TSNARE1: variants seen among roughly 807,000 people sequenced by gnomAD.
TSNARE1 encodes the protein t-SNARE domain-containing protein 1.
TSNARE1 carries 49 observed loss-of-function variants against 62.0 expected under a neutral mutation model. The observed-to-expected ratio is 0.79, with a 90% confidence interval of 0.63 to 1.00. TSNARE1 has a LOEUF of 1.00. Among genes scored for constraint, TSNARE1 ranks in the 50% least tolerant of loss-of-function variants. The pLI is 0.00. For synonymous variants in TSNARE1, 328 were observed against 294.4 expected (o/e 1.11, Z -1.17); for missense variants, 755 against 700.1 (o/e 1.08, Z -0.88).
At chr8:142,360,362 G>A (rs976291960) in intron 1 of TSNARE1, among the ~76,000 whole-genome samples, 1 of 152,194 alleles carries the variant, frequency 6.6e-6, no homozygotes, top group African/African-American at 2.4e-5. Flanking sequence ...ATGTGGCTGA[G>A]GGCCTGGGCC....
intron 12 of TSNARE1, chr8:142,271,272 G>C (rs1311637223): frequency 1.9e-6 from 2 of 1,050,362 alleles, no homozygotes; most frequent in Non-Finnish European, 2.3e-6. Context: ...TCGAGGGTCC[G>C]GTTGAGGGCC....
chr8:142,371,695 C>A (rs1587055526), intron 1 of TSNARE1, among the ~76,000 whole-genome samples: 1 of 152,110 alleles, frequency 6.6e-6, no homozygotes, highest in Admixed American at 6.5e-5. Flanking sequence ...GGTGGATACA[C>A]CTGCAACAAT....
intron 12 of TSNARE1, chr8:142,269,495 TA>T (rs1356500366): frequency 1.0e-6 from 1 of 985,318 alleles, no homozygotes; most frequent in African/African-American, 1.7e-5. Flanking sequence ...CTTTATTTAT[TA>T]AGCTTTATTT....
intron 4 of TSNARE1, among the ~76,000 whole-genome samples, chr8:142,333,650 G>A (rs1831360884): frequency 6.6e-6 from 1 of 152,170 alleles, no homozygotes; most frequent in African/African-American, 2.4e-5. Context: ...GGCCAGGGCA[G>A]AGCTGACCCT....
chr8:142,304,873 G>A (rs1022434880), intron 9 of TSNARE1, among the ~76,000 whole-genome samples: 3 of 152,232 alleles, frequency 2.0e-5, no homozygotes, highest in Admixed American at 6.5e-5. Context: ...GCGGCATGAC[G>A]GTTGAGCACA....
chr8:142,311,220 A>G (rs1432124899), intron 9 of TSNARE1, among the ~76,000 whole-genome samples: 3 of 149,570 alleles, frequency 2.0e-5, no homozygotes, highest in African/African-American at 7.4e-5. Flanking sequence ...ACTGGAGTGC[A>G]ATGGCAATCT....
chr8:142,326,676 G>A (rs958429227), intron 6 of TSNARE1, among the ~76,000 whole-genome samples: 2 of 152,136 alleles, frequency 1.3e-5, no homozygotes, highest in African/African-American at 2.4e-5. Flanking sequence ...GGGCCCCAGA[G>A]AGCACGAGAC....
chr8:142,322,377 T>C (rs1403430993), intron 6 of TSNARE1, among the ~76,000 whole-genome samples: 1 of 152,232 alleles, frequency 6.6e-6, no homozygotes, highest in South Asian at 2.1e-4. Flanking sequence ...GGCAGGTATG[T>C]GTGCTTTCAC....
intron 13 of TSNARE1, among the ~76,000 whole-genome samples, chr8:142,221,084 C>T (rs932584105): frequency 4.6e-5 from 7 of 152,230 alleles, no homozygotes; most frequent in Admixed American, 6.5e-5. Context: ...GATCCTGCCT[C>T]ACTCCACCGT....
chr8:142,395,832 A>G (rs909373689), intron 1 of TSNARE1, among the ~76,000 whole-genome samples: 5 of 152,220 alleles, frequency 3.3e-5, no homozygotes, highest in Non-Finnish European at 7.3e-5. Flanking sequence ...CAGCCAGCCC[A>G]GGAAGGAGGC....
chr8:142,270,591 GA>G (rs1819443043), intron 12 of TSNARE1: 1 of 985,004 alleles, frequency 1.0e-6, no homozygotes, highest in Admixed American at 6.2e-5. Context: ...TAGGGCAGAG[GA>G]GCCCTGCCCT....
At chr8:142,294,235 C>T (rs1824294667) in intron 10 of TSNARE1, among the ~76,000 whole-genome samples, 1 of 152,008 alleles carries the variant, frequency 6.6e-6, no homozygotes, top group Non-Finnish European at 1.5e-5. Context: ...TGCCCAGGGC[C>T]CCTGGGAGAA....
chr8:142,379,037 AG>A (rs1480451264), intron 1 of TSNARE1, among the ~76,000 whole-genome samples: 1 of 152,174 alleles, frequency 6.6e-6, no homozygotes, highest in Non-Finnish European at 1.5e-5. Flanking sequence ...CAGCCTTGGG[AG>A]GACTAGGCTA....
intron 1 of TSNARE1, among the ~76,000 whole-genome samples, chr8:142,355,184 C>T (rs968360737): frequency 2.0e-5 from 3 of 152,220 alleles, no homozygotes; most frequent in Admixed American, 1.3e-4. Flanking sequence ...GCTGAGAACC[C>T]GGCACCCATG....
rs751194559 is a variant in TSNARE1 at position 142,315,011 on chromosome 8, C to A, written c.1066G>T (p.Val356Leu). 6 of 1,614,134 alleles carry A rather than the reference C, an allele frequency of 3.7e-6. No homozygotes were observed. The highest frequency in any genetic ancestry group is 1.3e-5 in the African/African-American group (1 of 75,030). Reference sequence around the variant, plus strand: ...CCCCACCAGCACCTCACCTTCTGCACCACTCCATAGCACTGAATGGCATCT... The same window carrying A: ...CCCCACCAGCACCTCACCTTCTGCAACACTCCATAGCACTGAATGGCATCT... ...LSDAIQCYGV[V>L]QKKIAEKSRA... The change falls in exon 8 of 14, where the codon GTG becomes TTG. Residue 356 changes from valine to leucine, a missense_variant. Coordinates refer to ENST00000524325, the MANE Select transcript of TSNARE1 (RefSeq NM_145003.5).
chr8:142,295,035 G>A (rs545233077), intron 10 of TSNARE1, among the ~76,000 whole-genome samples: 8 of 152,306 alleles, frequency 5.3e-5, no homozygotes, highest in African/African-American at 1.9e-4. Flanking sequence ...GGCTACCCAA[G>A]GCTGGAAGGC....
In TSNARE1 at chr8:142,339,640, C is replaced by T. The variant is rs370840546; in HGVS notation, c.745+4326G>A. On this transcript the variant is annotated intron_variant, in intron 4 of 13. Transcript: ENST00000524325. ...ACTAAACCCCAAGCTGCCATGCCAG[C>T]AAAGCTGAGAGCTAGGCTTTGTGCC... Among the ~76,000 whole-genome samples the T allele has an allele frequency of 3.9e-5, 6 of 152,370 alleles. No homozygotes were observed. In the East Asian group the frequency reaches 1.2e-3, roughly 29 times the overall value.
At chr8:142,404,946 G>A (rs79028692), upstream of TSNARE1, 3,075 of 152,418 alleles carry the variant, frequency 0.02, 36 homozygotes, top group East Asian at 0.047. Context: ...TCCAGGAGCC[G>A]CTTTCTTGAC....
chr8:142,360,721 A>C (rs1342635533), intron 1 of TSNARE1, among the ~76,000 whole-genome samples: 4 of 151,908 alleles, frequency 2.6e-5, no homozygotes, highest in African/African-American at 9.7e-5. Flanking sequence ...GGGAACACCC[A>C]CCTCAGGCGT....
Sources: gnomAD v4.1 joint callset for allele counts (sites outside exome capture counted in the v4.1 genomes callset) on GRCh38, gnomAD v4.1.1 for gene constraint, MANE v1.5 for transcripts, NCBI Gene and HGNC (gene_info 2026-07-23, HGNC 2026-07-21) for gene names.